The following SOX5 variants were observed in gnomAD, a reference collection of about 807,000 sequenced individuals.
The protein encoded by SOX5 is transcription factor SOX-5.
A neutral mutation model predicts 92.0 loss-of-function variants in SOX5; 9 were observed. The observed-to-expected ratio is 0.10, with a 90% CI of 0.06 to 0.17. The LOEUF (loss-of-function observed/expected upper bound fraction) is 0.17, where lower values mean the gene tolerates loss of function less well. SOX5 is among the 10% of genes least tolerant of loss of function. The pLI is 1.00. For synonymous variants in SOX5, 344 were observed against 336.3 expected (o/e 1.02, Z -0.25); for missense variants, 642 against 944.5 (o/e 0.68, Z 4.20).
chr12:24,160,601 G>A (rs912531170), intron 4 of SOX5, among the ~76,000 whole-genome samples: 3 of 151,792 alleles, frequency 2.0e-5, no homozygotes, highest in Admixed American at 6.6e-5. Flanking sequence ...GACGAAGGAA[G>A]GTTAAAGATA....
At chr12:23,973,622 A>G (rs568557442) in intron 4 of SOX5, among the ~76,000 whole-genome samples, 3 of 152,316 alleles carry the variant, frequency 2.0e-5, no homozygotes, top group African/African-American at 7.2e-5. Context: ...ACACATTCCA[A>G]TACTCATGGT....
intron 4 of SOX5, among the ~76,000 whole-genome samples, chr12:24,013,051 T>C (rs1205061785): frequency 6.6e-6 from 1 of 152,188 alleles, no homozygotes; most frequent in Non-Finnish European, 1.5e-5. Flanking sequence ...AAAAAGTTTC[T>C]GCACATACGA....
At position 23,639,623 on chromosome 12, in the gene SOX5, C is replaced by A. The variant is rs557457132; in HGVS notation, c.1017+1189G>T. Among the ~76,000 whole-genome samples, 3 of 152,266 alleles carry A rather than the reference C, an allele frequency of 2.0e-5. No homozygotes were observed. In the South Asian group the frequency reaches 6.2e-4, roughly 32 times the overall value. ...TTGTCCCCACAGCTCCAACACTTCC[C>A]AAGACATTTCCAGCTCAAAGAAAAC... is the stretch of plus-strand genomic sequence containing the variant. On this transcript the variant is annotated intron_variant, in intron 8 of 14. Transcript: ENST00000451604.
intron 1 of SOX5, among the ~76,000 whole-genome samples, chr12:24,431,755 T>C (rs1345999416): frequency 1.3e-5 from 2 of 152,126 alleles, no homozygotes; most frequent in African/African-American, 4.8e-5. Context: ...ATTTATATCT[T>C]TAACAGAGAA....
rs556493671 is a variant in SOX5, at chr12:23,922,027, G to T, written c.39-26003C>A. ...AAGAATACAAAAATGATTATAGTCTGCAGGGCTAAAAGACGGACTAGCCGA... is the reference window on the plus strand; with the variant it reads ...AAGAATACAAAAATGATTATAGTCTTCAGGGCTAAAAGACGGACTAGCCGA... On this transcript the variant is annotated intron_variant, in intron 1 of 14. Transcript: ENST00000451604. Among the ~76,000 whole-genome samples, 8 of 152,270 alleles carry T rather than the reference G, an allele frequency of 5.3e-5. No individual in the cohort carries two copies. The East Asian group carries it at 1.5e-3, about 29-fold the overall frequency.
At chr12:24,402,674 A>G (rs895303425) in intron 1 of SOX5, among the ~76,000 whole-genome samples, 1 of 152,206 alleles carries the variant, frequency 6.6e-6, no homozygotes, top group Non-Finnish European at 1.5e-5. Context: ...ACATTAATGG[A>G]AACATAACAG....
chr12:23,795,437 A>G (rs2095545665), intron 3 of SOX5, among the ~76,000 whole-genome samples: 1 of 152,134 alleles, frequency 6.6e-6, no homozygotes. Flanking sequence ...ATGTTCCTCA[A>G]ATTTTACCTT....
intron 8 of SOX5, among the ~76,000 whole-genome samples, chr12:23,632,536 T>TGGCC: frequency 6.6e-6 from 1 of 152,222 alleles, no homozygotes; most frequent in South Asian, 2.1e-4. Flanking sequence ...GCCAAGCATA[T>TGGCC]AAAGCCATGC....
intron 4 of SOX5, among the ~76,000 whole-genome samples, chr12:23,985,242 T>TTTTA (rs149488251): frequency 4.5e-4 from 67 of 149,196 alleles, no homozygotes; most frequent in East Asian, 2.0e-3. Flanking sequence ...TTTTTTTGAA[T>TTTTA]TTTATTTATT....
intron 4 of SOX5, among the ~76,000 whole-genome samples, chr12:24,091,428 A>ATTGTT (rs1555506196): frequency 4.9e-5 from 6 of 122,696 alleles, no homozygotes; most frequent in African/African-American, 9.3e-5. Flanking sequence ...AGAGAATGCT[A>ATTGTT]TTTTTTTTTT....
intron 1 of SOX5, among the ~76,000 whole-genome samples, chr12:24,387,651 T>C (rs1007860888): frequency 1.3e-5 from 2 of 152,218 alleles, no homozygotes; most frequent in African/African-American, 2.4e-5. Context: ...AAGATGACGA[T>C]AATTTTCTTA....
chr12:24,383,091 GTGAT>G (rs1212999345), intron 1 of SOX5, among the ~76,000 whole-genome samples: 4 of 152,160 alleles, frequency 2.6e-5, no homozygotes, highest in Non-Finnish European at 2.9e-5. Flanking sequence ...TTTATTGATT[GTGAT>G]TGATTGAGAA....
intron 4 of SOX5, among the ~76,000 whole-genome samples, chr12:24,182,297 A>C (rs565318834): frequency 6.6e-6 from 1 of 152,322 alleles, no homozygotes; most frequent in Admixed American, 6.5e-5. Context: ...ATATGCTCTA[A>C]GCCAAGGGGG....
intron 8 of SOX5, among the ~76,000 whole-genome samples, chr12:23,610,815 GA>G (rs2075862489): frequency 6.6e-6 from 1 of 151,998 alleles, no homozygotes; most frequent in South Asian, 2.1e-4. Context: ...AACAGTAACT[GA>G]ATGTCTATTT....
At chr12:24,311,287 CTT>C (rs1949148298) in intron 2 of SOX5, among the ~76,000 whole-genome samples, 1 of 152,196 alleles carries the variant, frequency 6.6e-6, no homozygotes, top group Non-Finnish European at 1.5e-5. Flanking sequence ...ATTCATCAGA[CTT>C]AGCATAAAAA....
chr12:23,771,810 A>C (rs1402116146), intron 3 of SOX5, among the ~76,000 whole-genome samples: 1 of 152,218 alleles, frequency 6.6e-6, no homozygotes, highest in East Asian at 1.9e-4. Flanking sequence ...CAAGACTACA[A>C]AACAGTGCCT....
chr12:23,919,222 C>T (rs1395748341), intron 1 of SOX5, among the ~76,000 whole-genome samples: 1 of 152,106 alleles, frequency 6.6e-6, no homozygotes, highest in African/African-American at 2.4e-5. Context: ...CTGAGGTTCA[C>T]AGTTTGCAGG....
intron 4 of SOX5, among the ~76,000 whole-genome samples, chr12:24,010,314 A>G (rs746012669): frequency 5.3e-5 from 8 of 152,212 alleles, no homozygotes; most frequent in Non-Finnish European, 1.2e-4. Context: ...CTCTAGGATT[A>G]TGTCTGGCAT....
At chr12:23,552,916 A>AAAACT (rs1944472389) in intron 11 of SOX5, among the ~76,000 whole-genome samples, 1 of 151,998 alleles carries the variant, frequency 6.6e-6, no homozygotes, top group African/African-American at 2.4e-5. Flanking sequence ...TCAATATAAC[A>AAAACT]AAACTATTTT....
Sources: allele counts gnomAD v4.1 joint callset (sites outside exome capture counted in the v4.1 genomes callset), GRCh38; gene constraint gnomAD v4.1.1; transcripts MANE v1.5; gene names NCBI Gene and HGNC (gene_info 2026-07-23, HGNC 2026-07-21).